The following LRGUK variants were observed in gnomAD, a reference collection of about 807,000 sequenced individuals.
LRGUK encodes the protein leucine-rich repeat and guanylate kinase domain-containing protein.
In LRGUK, 65 loss-of-function variants were observed where a neutral mutation model predicts 76.0. That is an observed-to-expected ratio of 0.85 (90% CI 0.70 to 1.05). The LOEUF (loss-of-function observed/expected upper bound fraction) is 1.05, where lower values mean the gene tolerates loss of function less well. Among genes scored for constraint, LRGUK ranks in the 50% least tolerant of loss-of-function variants. The pLI, the probability that LRGUK is intolerant of heterozygous loss-of-function variation, is 0.00. For missense variants in LRGUK, 758 were observed against 732.8 expected (o/e 1.03, Z -0.40); for synonymous variants, 268 against 265.6 (o/e 1.01, Z -0.09).
At chr7:134,208,103 T>G (rs1585557400) in intron 15 of LRGUK, among the ~76,000 whole-genome samples, 4 of 151,924 alleles carry the variant, frequency 2.6e-5, no homozygotes, top group Admixed American at 2.6e-4. Flanking sequence ...TGGATGGGGG[T>G]CCTCAGGAGC....
At chr7:134,217,189 G>T (rs1328633976) in intron 15 of LRGUK, among the ~76,000 whole-genome samples, 4 of 107,174 alleles carry the variant, frequency 3.7e-5, no homozygotes, top group Admixed American at 1.1e-4. Flanking sequence ...GGGCCTTATT[G>T]CTCTATGTTT....
intron 16 of LRGUK, among the ~76,000 whole-genome samples, chr7:134,231,730 C>T (rs575903066): frequency 2.4e-4 from 33 of 140,160 alleles, no homozygotes; most frequent in Non-Finnish European, 4.3e-4. Flanking sequence ...CTCTCTTCCT[C>T]CCTTCCTTCC....
intron 16 of LRGUK, among the ~76,000 whole-genome samples, chr7:134,222,610 G>C (rs1358687813): frequency 2.0e-5 from 3 of 150,626 alleles, no homozygotes; most frequent in African/African-American, 7.3e-5. Flanking sequence ...TTTTGTTTTT[G>C]TTTTGTTTTT....
At chr7:134,157,988 C>T in intron 5 of LRGUK, 47 bp from the exon 6 acceptor site, 2 of 1,554,156 alleles carry the variant, frequency 1.3e-6, no homozygotes, top group South Asian at 1.2e-5. Context: ...TTTTTTCTTC[C>T]AAATGCTTTT....
chr7:134,265,624 T>C (rs1427432659), downstream of LRGUK, among the ~76,000 whole-genome samples: 1 of 152,124 alleles, frequency 6.6e-6, no homozygotes. Context: ...TAAACTATGC[T>C]CCCTACCCTG....
At chr7:134,140,441 A>C (rs1797722017) in intron 3 of LRGUK, among the ~76,000 whole-genome samples, 1 of 152,194 alleles carries the variant, frequency 6.6e-6, no homozygotes, top group South Asian at 2.1e-4. Context: ...CACCTTGTTC[A>C]CATTTAATGA....
downstream of LRGUK, among the ~76,000 whole-genome samples, chr7:134,266,643 C>T (rs1427623581): frequency 6.6e-6 from 1 of 152,074 alleles, no homozygotes; most frequent in Non-Finnish European, 1.5e-5. Flanking sequence ...AATATGAGTC[C>T]CAGGGATGTG....
chr7:134,226,167 C>G (rs1801736902), intron 16 of LRGUK, among the ~76,000 whole-genome samples: 1 of 151,158 alleles, frequency 6.6e-6, no homozygotes, highest in African/African-American at 2.4e-5. Context: ...CTTTTGCAAA[C>G]TATTATGAGG....
At chr7:134,219,832 T>C (rs1299498467) in intron 15 of LRGUK, among the ~76,000 whole-genome samples, 1 of 152,156 alleles carries the variant, frequency 6.6e-6, no homozygotes, top group Non-Finnish European at 1.5e-5. Flanking sequence ...TTCCCCCAGA[T>C]GCTTGAATGC....
chr7:134,230,165 A>G (rs973893288), intron 16 of LRGUK, among the ~76,000 whole-genome samples: 25 of 152,176 alleles, frequency 1.6e-4, no homozygotes, highest in African/African-American at 5.8e-4. Context: ...TATATAAAGA[A>G]CTCCTACAAA....
At chr7:134,149,108 T>TTA (rs1554455227) in intron 5 of LRGUK, among the ~76,000 whole-genome samples, 3 of 148,878 alleles carry the variant, frequency 2.0e-5, no homozygotes, top group Non-Finnish European at 4.4e-5. Flanking sequence ...TTTCTTTTTT[T>TTA]AAAAAAAAAA....
intron 11 of LRGUK, among the ~76,000 whole-genome samples, chr7:134,186,953 C>G (rs1239902900): frequency 6.6e-6 from 1 of 152,202 alleles, no homozygotes; most frequent in African/African-American, 2.4e-5. Context: ...CAAACTCATT[C>G]ATCCACCTCC....
At chr7:134,249,444 C>T (rs1220081066) in intron 18 of LRGUK, among the ~76,000 whole-genome samples, 3 of 152,268 alleles carry the variant, frequency 2.0e-5, no homozygotes, top group South Asian at 2.1e-4. Context: ...TACTGTGATT[C>T]GGCTGTGTTC....
chr7:134,205,652 G>C (rs1280412784), intron 15 of LRGUK, among the ~76,000 whole-genome samples: 3 of 152,192 alleles, frequency 2.0e-5, no homozygotes, highest in Non-Finnish European at 4.4e-5. Flanking sequence ...AGCTTTGTCT[G>C]CGCAATTAGG....
At chr7:134,238,248 G>A (rs2117187419) in intron 16 of LRGUK, among the ~76,000 whole-genome samples, 1 of 152,056 alleles carries the variant, frequency 6.6e-6, no homozygotes, top group East Asian at 1.9e-4. Flanking sequence ...AATATTTCCT[G>A]AGTTCTTGTA....
intron 18 of LRGUK, among the ~76,000 whole-genome samples, chr7:134,252,795 G>A (rs1286489493): frequency 6.6e-6 from 1 of 152,070 alleles, no homozygotes; most frequent in African/African-American, 2.4e-5. Flanking sequence ...GTCACCCTCA[G>A]TATGCCTATA....
intron 1 of LRGUK, 132 bp downstream of exon 1, chr7:134,127,796 C>T (rs887551324): frequency 1.1e-5 from 11 of 991,268 alleles, no homozygotes; most frequent in East Asian, 7.9e-5. Flanking sequence ...CCTCCAGGAA[C>T]GCCTCTTCCC....
exon 20 of LRGUK, chr7:134,264,321 C>G (rs2117237454): frequency 5.6e-6 from 1 of 179,042 alleles, no homozygotes; most frequent in East Asian, 1.5e-4. Context: ...GAAAAATCTC[C>G]CAAGATCTCT....
chr7:134,221,924 A>G lies in LRGUK; in HGVS notation c.1983+6A>G. On this transcript the variant is annotated splice_donor_region_variant and intron_variant, in intron 16 of 19. Transcript: ENST00000285928. ...CAGCCAAAAAAACACCAGCGGTAAG[A>G]GAGGAATAGAAGGGGTGAAGCCACA... 6.3e-7 allele frequency: 1 copy of G among 1,587,250 alleles called. No homozygotes were observed.
Sources: gnomAD v4.1 joint callset for allele counts (sites outside exome capture counted in the v4.1 genomes callset) on GRCh38, gnomAD v4.1.1 for gene constraint, MANE v1.5 for transcripts, NCBI Gene and HGNC (gene_info 2026-07-23, HGNC 2026-07-21) for gene names.